Variants in PRMT3 observed in about 807,000 individuals in gnomAD.
The protein encoded by PRMT3 is protein arginine methyltransferase 3, also known as protein arginine N-methyltransferase 3.
In PRMT3, 62 loss-of-function variants were observed where a neutral mutation model predicts 71.9. That is an observed-to-expected ratio of 0.86 (90% CI 0.70 to 1.07). The LOEUF is 1.07. Among genes scored for constraint, PRMT3 ranks in the 50% least tolerant of loss-of-function variants. PRMT3 has a pLI of 0.00. For missense variants in PRMT3, 663 were observed against 643.0 expected, an observed-to-expected ratio of 1.03 and a Z score of -0.34; for synonymous variants, 213 against 220.4, an observed-to-expected ratio of 0.97 and a Z score of 0.30.
rs371454911 is a variant in PRMT3, at chr11:20,392,493, GA to G, written c.297+238del. 7.0e-3 allele frequency among the ~76,000 whole-genome samples: 1,068 copies of G among 152,226 alleles called. 16 individuals are homozygous for G. Among genetic ancestry groups the G allele is most frequent in the African/African-American group, 0.024 (1,013 of 41,538 alleles). On this transcript the variant is annotated intron_variant, in intron 4 of 15. Transcript: ENST00000331079. ...ATCTAAGAGATGAATCGGTGTATGT[GA>G]AAAAGTAATTCAGTGTCAAATAAAG...
At chr11:20,423,369 T>G (rs1223141326) in intron 9 of PRMT3, among the ~76,000 whole-genome samples, 2 of 152,210 alleles carry the variant, frequency 1.3e-5, no homozygotes, top group African/African-American at 4.8e-5. Context: ...AGTAATATTG[T>G]TGTACAGGAG....
At chr11:20,473,588 A>ATTCTT (rs1244862069) in intron 13 of PRMT3, among the ~76,000 whole-genome samples, 2 of 152,072 alleles carry the variant, frequency 1.3e-5, no homozygotes, top group African/African-American at 4.8e-5. Context: ...TATGATTTCA[A>ATTCTT]TTCTTTTTCA....
At chr11:20,471,003 T>A (rs1438120918) in intron 13 of PRMT3, among the ~76,000 whole-genome samples, 1 of 152,210 alleles carries the variant, frequency 6.6e-6, no homozygotes, top group African/African-American at 2.4e-5. Context: ...TTGAGCTTTT[T>A]TTCCATATGT....
intron 10 of PRMT3, among the ~76,000 whole-genome samples, chr11:20,443,436 C>G (rs1461679308): frequency 6.6e-6 from 1 of 152,200 alleles, no homozygotes; most frequent in African/African-American, 2.4e-5. Context: ...TCTCCTATTT[C>G]CTCCATGTTC....
chr11:20,418,348 A>C (rs1488548202), intron 9 of PRMT3, among the ~76,000 whole-genome samples: 1 of 152,176 alleles, frequency 6.6e-6, no homozygotes, highest in Admixed American at 6.5e-5. Context: ...GAATGGAAAA[A>C]ATCAGGTGGT....
At chr11:20,451,969 C>T (rs1440862081) in intron 10 of PRMT3, among the ~76,000 whole-genome samples, 161 bp from the exon 11 acceptor site, 2 of 152,022 alleles carry the variant, frequency 1.3e-5, no homozygotes, top group African/African-American at 4.8e-5. Flanking sequence ...TTTCCAATAA[C>T]TTACTGCAAA....
intron 15 of PRMT3, among the ~76,000 whole-genome samples, chr11:20,499,857 C>T (rs533166321): frequency 1.2e-3 from 177 of 152,246 alleles, no homozygotes; most frequent in African/African-American, 4.0e-3. Context: ...ACTGAAATTC[C>T]GGTCCCAGGT....
At chr11:20,473,022 G>A (rs1003070541) in intron 13 of PRMT3, among the ~76,000 whole-genome samples, 2 of 152,056 alleles carry the variant, frequency 1.3e-5, no homozygotes, top group Non-Finnish European at 2.9e-5. Flanking sequence ...AGGTTTTCTA[G>A]TTTATATACA....
At chr11:20,497,099 G>A (rs928090440) in intron 15 of PRMT3, among the ~76,000 whole-genome samples, 1 of 152,048 alleles carries the variant, frequency 6.6e-6, no homozygotes, top group South Asian at 2.1e-4. Flanking sequence ...GAATTTTAAA[G>A]GCAGTACTAG....
intron 11 of PRMT3, among the ~76,000 whole-genome samples, chr11:20,460,422 A>G (rs1166198985): frequency 6.6e-6 from 1 of 151,872 alleles, no homozygotes; most frequent in Non-Finnish European, 1.5e-5. Flanking sequence ...ATTAGTGGAG[A>G]GTTTCTCCTT....
chr11:20,500,456 A>C (rs1851431489), intron 15 of PRMT3, among the ~76,000 whole-genome samples: 1 of 152,238 alleles, frequency 6.6e-6, no homozygotes, highest in Non-Finnish European at 1.5e-5. Context: ...TTGAGAAAGA[A>C]CTACATTGGA....
intron 9 of PRMT3, among the ~76,000 whole-genome samples, chr11:20,409,539 C>G (rs997192045): frequency 6.6e-6 from 1 of 151,990 alleles, no homozygotes; most frequent in African/African-American, 2.4e-5. Flanking sequence ...GGAGCGTTAG[C>G]TATGGTTATT....
intron 9 of PRMT3, among the ~76,000 whole-genome samples, chr11:20,413,022 A>C (rs1210580733): frequency 2.0e-5 from 3 of 152,152 alleles, no homozygotes; most frequent in African/African-American, 7.2e-5. Context: ...ATCTCCATTG[A>C]ACTACTTACA....
chr11:20,487,649 A>C (rs1851108795), intron 13 of PRMT3, among the ~76,000 whole-genome samples: 1 of 152,216 alleles, frequency 6.6e-6, no homozygotes, highest in African/African-American at 2.4e-5. Context: ...ACTTATGTGC[A>C]CTTTTCTGAA....
intron 11 of PRMT3, among the ~76,000 whole-genome samples, chr11:20,453,687 C>T (rs765691474): frequency 5.9e-4 from 89 of 152,056 alleles, no homozygotes; most frequent in Non-Finnish European, 2.1e-4. Flanking sequence ...ATATATTTTA[C>T]CCTGCAGCAA....
chr11:20,429,767 A>G (rs1019603685), intron 10 of PRMT3, among the ~76,000 whole-genome samples: 3 of 152,130 alleles, frequency 2.0e-5, no homozygotes, highest in Non-Finnish European at 2.9e-5. Flanking sequence ...TGGACACTAA[A>G]CTTACAGCAG....
chr11:20,455,806 A>G (rs1210436568), intron 11 of PRMT3, among the ~76,000 whole-genome samples: 1 of 152,094 alleles, frequency 6.6e-6, no homozygotes, highest in Non-Finnish European at 1.5e-5. Flanking sequence ...ATATAATTGA[A>G]GAAATGATAT....
chr11:20,438,322 G>A (rs1308141293), intron 10 of PRMT3, among the ~76,000 whole-genome samples: 1 of 111,178 alleles, frequency 9.0e-6, no homozygotes, highest in African/African-American at 2.9e-5. Context: ...ACACTGGGAT[G>A]GTGGGTGTTG....
At chr11:20,439,208 A>G (rs930168901) in intron 10 of PRMT3, among the ~76,000 whole-genome samples, 6 of 152,200 alleles carry the variant, frequency 3.9e-5, no homozygotes, top group Admixed American at 3.9e-4. Context: ...CAGCTGGCAT[A>G]TTGCTTGTCA....
Sources: gnomAD v4.1 joint callset for allele counts (sites outside exome capture counted in the v4.1 genomes callset) on GRCh38, gnomAD v4.1.1 for gene constraint, MANE v1.5 for transcripts, NCBI Gene and HGNC (gene_info 2026-07-23, HGNC 2026-07-21) for gene names.